Variants in STK33 observed in about 807,000 individuals in gnomAD.
The protein encoded by STK33 is serine/threonine kinase 33.
A neutral mutation model predicts 58.0 loss-of-function variants in STK33; 52 were observed. The ratio of observed to expected loss-of-function variants is 0.90; its 90% CI spans 0.72 to 1.13. The LOEUF is 1.13. Ranked by LOEUF, STK33 falls within the 50% of genes most tolerant of loss-of-function variation. STK33 has a pLI of 0.00. For synonymous variants in STK33, 215 were observed against 200.1 expected (o/e 1.07, Z -0.63); for missense variants, 630 against 604.2 (o/e 1.04, Z -0.45).
chr11:8,393,551 C>T lies in STK33; in HGVS notation c.1345-841G>A, dbSNP rs568586785. On this transcript the variant is annotated intron_variant, in intron 15 of 15. Transcript: ENST00000687296. ...AAGAGTAGAGATTGTCTCAGGAGACCCACAAAGCAGCACAGGGGCCCAGCC... is the reference window on the plus strand; with the variant it reads ...AAGAGTAGAGATTGTCTCAGGAGACTCACAAAGCAGCACAGGGGCCCAGCC... Among the ~76,000 whole-genome samples, 66 of 152,140 alleles carry T rather than the reference C, an allele frequency of 4.3e-4. 2 individuals carry two copies. In the South Asian group the frequency reaches 0.012, roughly 29 times the overall value.
the STK33 span, among the ~76,000 whole-genome samples, chr11:8,349,154 G>A: frequency 6.6e-6 from 1 of 152,288 alleles, no homozygotes; most frequent in Non-Finnish European, 1.5e-5. Context: ...CCTTAGACAT[G>A]TTGGTTGACT....
At chr11:8,335,397 A>C in the STK33 span, among the ~76,000 whole-genome samples, 3 of 152,218 alleles carry the variant, frequency 2.0e-5, no homozygotes, top group Non-Finnish European at 4.4e-5. Context: ...CCTTGAAGGC[A>C]TTACCTCATG....
intron 8 of STK33, among the ~76,000 whole-genome samples, chr11:8,461,359 T>C (rs1442531182): frequency 6.6e-6 from 1 of 152,032 alleles, no homozygotes; most frequent in Non-Finnish European, 1.5e-5. Context: ...ATAAAACATA[T>C]CAGTAAGACA....
At chr11:8,384,961 T>C in the STK33 span, among the ~76,000 whole-genome samples, 1 of 152,168 alleles carries the variant, frequency 6.6e-6, no homozygotes, top group Non-Finnish European at 1.5e-5. Context: ...CACTAGGCCC[T>C]GTAGGGCAGG....
chr11:8,592,410 T>G (rs1197461605), intron 1 of STK33, among the ~76,000 whole-genome samples: 1 of 152,214 alleles, frequency 6.6e-6, no homozygotes, highest in African/African-American at 2.4e-5. Context: ...AGATGTGAGT[T>G]AAAATAAGGA....
At position 8,452,889 on chromosome 11, in the gene STK33, T is replaced by G. The variant is rs1946449173; in HGVS notation, c.804A>C (p.Leu268Phe). 3 of 1,614,024 alleles carry G rather than the reference T, an allele frequency of 1.9e-6. No individual in the cohort carries two copies. Among genetic ancestry groups the G allele is most frequent in the Admixed American group, 3.3e-5 (2 of 60,002 alleles). Residue 268 changes from leucine (L) to phenylalanine (F), a missense_variant, in exon 11 of 16, where the codon TTA (leucine) becomes TTC (phenylalanine). Transcript: ENST00000687296. Reference protein sequence around the residue: ...NLNIKVTDFGLAVKKQSRSEA... With the variant: ...NLNIKVTDFGFAVKKQSRSEA... ...CACTCCTACTTTGCTTCTTCACCGC[T>G]AAGCCAAAATCAGTCACCTGGGAGA...
chr11:8,497,661 C>T (rs972282921), intron 1 of STK33, among the ~76,000 whole-genome samples: 12 of 152,016 alleles, frequency 7.9e-5, no homozygotes, highest in African/African-American at 2.9e-4. Context: ...GGGGTCTCAC[C>T]GTATTGCCCA....
intron 1 of STK33, among the ~76,000 whole-genome samples, chr11:8,566,440 G>A (rs185976620): frequency 6.6e-6 from 1 of 152,286 alleles, no homozygotes; most frequent in Non-Finnish European, 1.5e-5. Flanking sequence ...TAAATTAAAT[G>A]AGTCAAGAAA....
chr11:8,575,224 C>A (rs1257021378), intron 1 of STK33, among the ~76,000 whole-genome samples: 1 of 152,210 alleles, frequency 6.6e-6, no homozygotes, highest in Non-Finnish European at 1.5e-5. Context: ...AAAATTACCA[C>A]ATGACCAGCA....
chr11:8,411,043 G>T (rs76920370), intron 15 of STK33, among the ~76,000 whole-genome samples: 4,013 of 152,204 alleles, frequency 0.026, 179 homozygotes, highest in African/African-American at 0.091. Context: ...ATGTTAAAAG[G>T]CACACTACTG....
chr11:8,579,800 G>A (rs1958438831), intron 1 of STK33, among the ~76,000 whole-genome samples: 1 of 151,844 alleles, frequency 6.6e-6, no homozygotes, highest in East Asian at 1.9e-4. Context: ...TTTTAAAATG[G>A]GCAAAAGATT....
intron 1 of STK33, among the ~76,000 whole-genome samples, chr11:8,553,661 T>G (rs1358141909): frequency 2.6e-5 from 4 of 152,088 alleles, no homozygotes; most frequent in East Asian, 1.9e-4. Flanking sequence ...AATAGTCAAC[T>G]GATGTTTTTT....
chr11:8,420,535 A>C (rs1195343130), intron 14 of STK33, among the ~76,000 whole-genome samples: 1 of 152,238 alleles, frequency 6.6e-6, no homozygotes, highest in Non-Finnish European at 1.5e-5. Flanking sequence ...GCAACTACAA[A>C]ACAAGAAAAC....
chr11:8,457,608 G>A, intron 8 of STK33, 129 bp from the exon 9 acceptor site: 3 of 809,296 alleles, frequency 3.7e-6, no homozygotes, highest in Non-Finnish European at 5.4e-6. Context: ...TATCTATTAT[G>A]TACAAGATAC....
the STK33 span, among the ~76,000 whole-genome samples, chr11:8,385,462 A>C: frequency 6.6e-6 from 1 of 152,146 alleles, no homozygotes; most frequent in South Asian, 2.1e-4. Context: ...CCTCTGCCTA[A>C]AACATCCCTC....
chr11:8,530,577 A>G (rs1954449304), intron 1 of STK33, among the ~76,000 whole-genome samples: 2 of 152,188 alleles, frequency 1.3e-5, no homozygotes, highest in South Asian at 4.1e-4. Flanking sequence ...AACTGAAATT[A>G]CAAACAGAAG....
chr11:8,443,593 G>A (rs1482775404), intron 11 of STK33, among the ~76,000 whole-genome samples: 3 of 128,918 alleles, frequency 2.3e-5, no homozygotes, highest in South Asian at 3.0e-4. Flanking sequence ...TTAGAACACC[G>A]TATGGCAAAA....
At chr11:8,553,199 G>GATATATATATATATATATATATATATA (rs1565347544) in intron 1 of STK33, among the ~76,000 whole-genome samples, 1 of 60,998 alleles carries the variant, frequency 1.6e-5, no homozygotes, top group Non-Finnish European at 2.8e-5. Flanking sequence ...TATATATATG[G>GATATATATATATATATATATATATATA]TGTATATATA....
At chr11:8,349,973 C>T in the STK33 span, among the ~76,000 whole-genome samples, 1 of 152,264 alleles carries the variant, frequency 6.6e-6, no homozygotes, top group African/African-American at 2.4e-5. Flanking sequence ...CACAGAGCTG[C>T]GATCATGCAC....
Sources: gnomAD v4.1 joint callset for allele counts (sites outside exome capture counted in the v4.1 genomes callset) on GRCh38, gnomAD v4.1.1 for gene constraint, MANE v1.5 for transcripts, NCBI Gene and HGNC (gene_info 2026-07-23, HGNC 2026-07-21) for gene names.